Variants in R3HCC1 observed in about 807,000 individuals in gnomAD.
The protein encoded by R3HCC1 is R3H and coiled-coil domain-containing protein 1.
Under a neutral mutation model 40.0 loss-of-function variants are expected in R3HCC1, and 32 were observed. That is an observed-to-expected ratio of 0.80 (90% CI 0.60 to 1.07). The LOEUF is 1.07. Among genes scored for constraint, R3HCC1 ranks in the 50% least tolerant of loss-of-function variants. R3HCC1 has a pLI of 0.00. For missense variants in R3HCC1, 586 were observed against 563.3 expected, an observed-to-expected ratio of 1.04 and a Z score of -0.41; for synonymous variants, 237 against 232.8, an observed-to-expected ratio of 1.02 and a Z score of -0.17.
chr8:23,295,659 C>G, intron 7 of R3HCC1: 1 of 487,294 alleles, frequency 2.1e-6, no homozygotes, highest in Non-Finnish European at 3.8e-6. Flanking sequence ...TGACTTGATA[C>G]CCCTCCCAAA....
Position 23,289,171 on chromosome 8 carries a change from T to C in R3HCC1, c.248+18T>C, listed in dbSNP as rs1237440297. 101 of 1,535,578 alleles carry C rather than the reference T, an allele frequency of 6.6e-5. No individual in the cohort carries two copies. The highest frequency in any genetic ancestry group is 8.6e-5 in the Non-Finnish European group (99 of 1,146,598). The stretch of plus-strand genomic sequence containing the variant: ...GACATCAGGTGTGTAGCCTCCCACC[T>C]TGAAGTGCCTGCAGCGGTGGTGTGT... On this transcript the variant is annotated intron_variant, in intron 3 of 7. Transcript: ENST00000265806.
intron 6 of R3HCC1, 148 bp downstream of exon 6, chr8:23,293,521 A>C: frequency 1.6e-6 from 1 of 628,734 alleles, no homozygotes; most frequent in Admixed American, 2.9e-5. Context: ...CCTAAAACCC[A>C]GGGGGAGCTG....
intron 6 of R3HCC1, among the ~76,000 whole-genome samples, chr8:23,294,077 CCCAGT>C (rs1802935404): frequency 6.6e-6 from 1 of 152,176 alleles, no homozygotes; most frequent in African/African-American, 2.4e-5. Context: ...GCTGCTGGGG[CCCAGT>C]CCTCAGGAGG....
chr8:23,288,117 T>TG lies in R3HCC1; in HGVS notation c.-55dup, dbSNP rs1055630151. 4.7e-6 allele frequency: 6 copies of TG among 1,263,268 alleles called. No homozygotes were observed. The highest frequency in any genetic ancestry group is 6.1e-6 in the Non-Finnish European group (6 of 977,120). The allele number at this position is 1,263,268 out of a possible 1,614,324, so 78.3% of individuals were successfully genotyped here. A position where few individuals can be genotyped will look rare whatever the true frequency, so the allele number is the denominator to read the frequency against. ...TAGGGCGCTCGGGCGCGCTGGCCCC[T>TG]GGGGACGCCGAGGGCGGCTGCGACG... On this transcript the variant is annotated 5_prime_UTR_variant, in exon 1 of 8. Coordinates refer to ENST00000265806, the MANE Select transcript of R3HCC1 (RefSeq NM_001136108.3).
Position 23,296,217 on chromosome 8 carries a change from G to T in R3HCC1, c.*120G>T, listed in dbSNP as rs904808685. 1 of 1,216,274 alleles carries T rather than the reference G, an allele frequency of 8.2e-7. No homozygotes were observed. The highest frequency in any genetic ancestry group is 1.1e-6 in the Non-Finnish European group (1 of 903,388). 75.3% of individuals were successfully genotyped at this position (1,216,274 alleles called of 1,614,324 possible). On this transcript the variant is annotated 3_prime_UTR_variant, in exon 8 of 8. Coordinates refer to ENST00000265806, the MANE Select transcript of R3HCC1 (RefSeq NM_001136108.3). ...ACCCTCGAGCTTCACCATGGGGTGT[G>T]GTGGGCTTTAGTTTAGTCCCAGAAA...
Position 23,288,146 on chromosome 8 carries a change from C to G in R3HCC1, c.-30C>G. 3.2e-6 allele frequency: 4 copies of G among 1,248,490 alleles called. No homozygotes were observed. Among genetic ancestry groups the G allele is most frequent in the African/African-American group, 1.6e-5 (1 of 63,924 alleles). The allele number at this position is 1,248,490 out of a possible 1,614,324, so 77.3% of individuals were successfully genotyped here. Reference sequence around the variant, plus strand: ...GACGCCGAGGGCGGCTGCGACGCGCCGAGAGGCCGCGGTGAGTGCAGCAGC... The same window carrying G: ...GACGCCGAGGGCGGCTGCGACGCGCGGAGAGGCCGCGGTGAGTGCAGCAGC... On this transcript the variant is annotated 5_prime_UTR_variant, in exon 1 of 8. Transcript: ENST00000265806.
At position 23,289,153 on chromosome 8, in the gene R3HCC1, GGT is replaced by G; in HGVS notation, c.248+5_248+6del. ...ACGGTCATCTGTCACCAGGACATCA[GGT>G]GTGTAGCCTCCCACCTTGAAGTGCC... On this transcript the variant is annotated splice_donor_variant, in intron 3 of 7. Transcript: ENST00000265806. LOFTEE classifies it high-confidence loss of function. The G allele has an allele frequency of 1.3e-6, 2 of 1,536,162 alleles. No homozygotes were observed. Among genetic ancestry groups the G allele is most frequent in the Non-Finnish European group, 8.7e-7 (1 of 1,146,880 alleles).
At chr8:23,293,104 A>G (rs1802904292) in intron 5 of R3HCC1, among the ~76,000 whole-genome samples, 199 bp from the exon 6 acceptor site, 1 of 152,058 alleles carries the variant, frequency 6.6e-6, no homozygotes, top group Non-Finnish European at 1.5e-5. Flanking sequence ...CAGGAGTGAC[A>G]TTTGTCTTTC....
chr8:23,289,907 C>T lies in R3HCC1; in HGVS notation c.290C>T (p.Pro97Leu). Residue 97 changes from proline to leucine, a missense_variant, in exon 4 of 8, where the codon CCT becomes CTT. By Grantham distance (98) the Pro-to-Leu change is moderately conservative (BLOSUM62 -3). Transcript: ENST00000265806. Reference sequence around the variant, plus strand: ...GGCCTCTCTGGCCCCTGCCGCGCTCCTGCCTCCTGCCCCAGCAGGTACCAC... The same window carrying T: ...GGCCTCTCTGGCCCCTGCCGCGCTCTTGCCTCCTGCCCCAGCAGGTACCAC... 3.9e-6 allele frequency: 6 copies of T among 1,533,744 alleles called. No individual in the cohort carries two copies. Among genetic ancestry groups the T allele is most frequent in the Non-Finnish European group, 5.2e-6 (6 of 1,145,404 alleles).
chr8:23,288,679 A>G, intron 2 of R3HCC1, 46 bp downstream of exon 2: 2 of 1,528,120 alleles, frequency 1.3e-6, no homozygotes, highest in African/African-American at 2.7e-5. Flanking sequence ...TGGGAAGGGC[A>G]GGGTTCCCGA....
intron 7 of R3HCC1, among the ~76,000 whole-genome samples, chr8:23,295,201 TC>T (rs1802976273): frequency 6.6e-6 from 1 of 151,986 alleles, no homozygotes; most frequent in African/African-American, 2.4e-5. Context: ...GGAAACCGTA[TC>T]CCATAGGGCC....
intron 7 of R3HCC1, chr8:23,295,617 C>T (rs955029085): frequency 4.3e-6 from 2 of 460,194 alleles, no homozygotes; most frequent in Non-Finnish European, 8.3e-6. Flanking sequence ...AATATCCTGT[C>T]CGTAGGTCTG....
Position 23,288,626 on chromosome 8 carries a change from C to G in R3HCC1, c.103C>G (p.Leu35Val), listed in dbSNP as rs530773745. ...GGACCGCTTTCTGCTGCAGAAGCAG[C>G]TGTCAAAGTAGGCTCATGTGAGGGG... is the stretch of plus-strand genomic sequence containing the variant. The change falls in exon 2 of 8, where the codon CTG (leucine) becomes GTG (valine). Residue 35 changes from leucine (L) to valine (V), a missense_variant. By Grantham distance (32) the Leu-to-Val change is conservative. Coordinates refer to ENST00000265806, the MANE Select transcript of R3HCC1 (RefSeq NM_001136108.3). 2 of 1,535,992 alleles carry G rather than the reference C, an allele frequency of 1.3e-6. No homozygotes were observed. Among genetic ancestry groups the G allele is most frequent in the South Asian group, 2.4e-5 (2 of 84,062 alleles).
chr8:23,295,671 G>A (rs1802994770), intron 7 of R3HCC1: 1 of 502,000 alleles, frequency 2.0e-6, no homozygotes, highest in Admixed American at 3.2e-5. Context: ...CCTCCCAAAG[G>A]ACCCTAAAAA....
At chr8:23,292,971 A>G (rs1802901050) in intron 5 of R3HCC1, among the ~76,000 whole-genome samples, 1 of 152,146 alleles carries the variant, frequency 6.6e-6, no homozygotes, top group African/African-American at 2.4e-5. Context: ...CTCAGACACC[A>G]TGGCCTTGGC....
At chr8:23,295,049 C>T (rs960726022) in intron 7 of R3HCC1, among the ~76,000 whole-genome samples, 185 bp downstream of exon 7, 9 of 152,124 alleles carry the variant, frequency 5.9e-5, no homozygotes, top group African/African-American at 1.9e-4. Flanking sequence ...TGTGTTCCCC[C>T]TCCCTAGCAG....
chr8:23,290,575 G>C, intron 4 of R3HCC1, 106 bp downstream of exon 4: 1 of 1,307,912 alleles, frequency 7.6e-7, no homozygotes, highest in Non-Finnish European at 1.0e-6. Context: ...GGATGTGCAA[G>C]GGGAGGTAGG....
Position 23,296,081 on chromosome 8 carries a change from G to C in R3HCC1, c.1307G>C (p.Gly436Ala), listed in dbSNP as rs1007726776. The C allele has an allele frequency of 1.9e-6, 3 of 1,550,172 alleles. No individual in the cohort carries two copies. The highest frequency in any genetic ancestry group is 2.6e-6 in the Non-Finnish European group (3 of 1,146,800). The stretch of plus-strand genomic sequence containing the variant: ...AAGAAAGAGCGGCCTGCTGTCCGGG[G>C]TCCGCTGCCGCCCTGAGGCCTGGAG... The change falls in exon 8 of 8, where the codon GGT (glycine) becomes GCT (alanine). Residue 436 changes from glycine to alanine, a missense_variant. Coordinates refer to ENST00000265806, the MANE Select transcript of R3HCC1 (RefSeq NM_001136108.3).
chr8:23,293,394 C>T, intron 6 of R3HCC1, 21 bp downstream of exon 6: 1 of 1,540,656 alleles, frequency 6.5e-7, no homozygotes, highest in South Asian at 1.2e-5. Flanking sequence ...CCCAGTGGGC[C>T]CAGCCCTTGC....
Sources: gnomAD v4.1 joint callset for allele counts (sites outside exome capture counted in the v4.1 genomes callset) on GRCh38, gnomAD v4.1.1 for gene constraint, MANE v1.5 for transcripts, NCBI Gene and HGNC (gene_info 2026-07-23, HGNC 2026-07-21) for gene names.